PHC3: variants seen among roughly 807,000 people sequenced by gnomAD.
PHC3 encodes polyhomeotic-like protein 3.
A neutral mutation model predicts 107.4 loss-of-function variants in PHC3; 13 were observed. The ratio of observed to expected loss-of-function variants is 0.12; its 90% CI spans 0.08 to 0.19. PHC3 has a LOEUF of 0.19. PHC3 is among the 10% of genes least tolerant of loss of function. The pLI is 1.00. For synonymous variants in PHC3, 456 were observed against 427.4 expected (o/e 1.07, Z -0.83); for missense variants, 992 against 1,210.9 (o/e 0.82, Z 2.68).
chr3:170,162,320 A>C (rs1728026024), intron 4 of PHC3, among the ~76,000 whole-genome samples: 1 of 152,290 alleles, frequency 6.6e-6, no homozygotes, highest in South Asian at 2.1e-4. Flanking sequence ...ACTCAATACT[A>C]TAGGTGGGTG....
chr3:170,127,205 A>C (rs1251617829), intron 8 of PHC3, among the ~76,000 whole-genome samples: 1 of 152,144 alleles, frequency 6.6e-6, no homozygotes, highest in Admixed American at 6.5e-5. Context: ...TTTGAGACAA[A>C]GTCTCGCTCA....
chr3:170,172,631 A>T lies in PHC3; in HGVS notation c.262T>A (p.Leu88Met), dbSNP rs775230132. 6.2e-7 allele frequency: 1 copy of T among 1,613,594 alleles called. No homozygotes were observed. ...TGAAGAGCTGCAGTATGCAGCATCA[A>T]GTGCTGTTGTTGGGCTGCATACATT... ...QQMYAAQQQHLMLHTAALQQQ... is the reference protein window; with the variant it reads ...QQMYAAQQQHMMLHTAALQQQ... Residue 88 changes from leucine (L) to methionine (M), a missense_variant, in exon 3 of 15, where the codon TTG becomes ATG. This residue lies in a region of PHC3 where 161 missense variants were observed against 183.7 expected (regional missense o/e 0.88). Coordinates refer to ENST00000495893, the MANE Select transcript of PHC3 (RefSeq NM_024947.4).
chr3:170,131,833 T>A (rs547123174), intron 7 of PHC3, among the ~76,000 whole-genome samples: 1 of 152,030 alleles, frequency 6.6e-6, no homozygotes, highest in East Asian at 1.9e-4. Context: ...GGAGACGCCA[T>A]CTCAAAAAAA....
intron 4 of PHC3, among the ~76,000 whole-genome samples, chr3:170,164,441 C>G (rs1358571565): frequency 6.6e-6 from 1 of 152,094 alleles, no homozygotes; most frequent in Non-Finnish European, 1.5e-5. Context: ...CATTACAGAT[C>G]TTCTGCTTGC....
chr3:170,134,858 T>C (rs1722808704), intron 7 of PHC3, among the ~76,000 whole-genome samples: 1 of 152,134 alleles, frequency 6.6e-6, no homozygotes, highest in Non-Finnish European at 1.5e-5. Context: ...GATCAGTATA[T>C]AAGTAACTAT....
rs911793816 is a variant in PHC3 at position 170,095,853 on chromosome 3, T to C, written c.*1377A>G. ...TGCTTTACATTTTTTTCCTCAAACA[T>C]GTACATACAAAATTATATCCGATGG... On this transcript the variant is annotated 3_prime_UTR_variant, in exon 15 of 15. Transcript: ENST00000495893. 3 of 152,170 alleles carry C rather than the reference T, an allele frequency of 2.0e-5. No individual in the cohort carries two copies. The highest frequency in any genetic ancestry group is 6.6e-5 in the Admixed American group (1 of 15,250). The allele number at this position is 152,170 out of a possible 1,614,324, so 9.4% of individuals were successfully genotyped here. A position where few individuals can be genotyped will look rare whatever the true frequency, so the allele number is the denominator to read the frequency against.
chr3:170,122,700 C>T lies in PHC3; in HGVS notation c.1833G>A (p.Glu611=). ...TATCCATCCGGACACATTCATCTGA[C>T]TCTTCTGGCATTTCTTCTTCACACA... ...EDVCEEEMPE[E]SDECVRMDRT... Residue 611 remains glutamate, a synonymous_variant, in exon 9 of 15, where the codon GAG becomes GAA. Transcript: ENST00000495893. 3 of 1,613,980 alleles carry T rather than the reference C, an allele frequency of 1.9e-6. No individual in the cohort carries two copies. The highest frequency in any genetic ancestry group is 2.5e-6 in the Non-Finnish European group (3 of 1,179,882).
chr3:170,160,914 C>CA (rs940296901), intron 4 of PHC3, among the ~76,000 whole-genome samples: 8 of 151,396 alleles, frequency 5.3e-5, no homozygotes, highest in Non-Finnish European at 7.4e-5. Flanking sequence ...CTCAAAAAAA[C>CA]AAAAAAAGAG....
chr3:170,172,414 G>A lies in PHC3; in HGVS notation c.336+143C>T, dbSNP rs114354087. 1.0e-4 allele frequency: 85 copies of A among 833,582 alleles called. No individual in the cohort carries two copies. In the African/African-American group the frequency reaches 1.3e-3, roughly 12 times the overall value. The allele number at this position is 833,582 out of a possible 1,614,324, so 51.6% of individuals were successfully genotyped here. The stretch of plus-strand genomic sequence containing the variant: ...CCTTTTTCTCAATTAACTTCTATTC[G>A]GCAACCTATTAATATATTTCCTCCG... On this transcript the variant is annotated intron_variant, in intron 3 of 14. Transcript: ENST00000495893.
At chr3:170,103,891 G>A (rs934995084) in intron 12 of PHC3, among the ~76,000 whole-genome samples, 4 of 152,068 alleles carry the variant, frequency 2.6e-5, no homozygotes, top group African/African-American at 9.7e-5. Context: ...CCAACACGGT[G>A]AAAACCCGTC....
chr3:170,148,926 A>G, intron 5 of PHC3, 160 bp downstream of exon 5: 1 of 591,960 alleles, frequency 1.7e-6, no homozygotes, highest in South Asian at 2.8e-5. Flanking sequence ...AGAATCTTTC[A>G]TGACATAAAT....
chr3:170,179,044 A>G, intron 1 of PHC3, 106 bp from the exon 2 acceptor site: 1 of 1,101,340 alleles, frequency 9.1e-7, no homozygotes, highest in Non-Finnish European at 1.3e-6. Flanking sequence ...ACTGCTAGGA[A>G]GGCTCTCATA....
rs982839717 is a variant in PHC3 at position 170,089,810 on chromosome 3, G to C, written c.*7420C>G. The C allele has an allele frequency of 2.6e-5, 4 of 151,612 alleles. No homozygotes were observed. Among genetic ancestry groups the C allele is most frequent in the Non-Finnish European group, 5.9e-5 (4 of 68,040 alleles). 9.4% of individuals were successfully genotyped at this position (151,612 alleles called of 1,614,324 possible). ...CGGGCACCTGTAATTCCAGCTACTT[G>C]GAAGGCTGAGGCAAGACAATCGCTT... On this transcript the variant is annotated 3_prime_UTR_variant, in exon 15 of 15. Coordinates refer to ENST00000495893, the MANE Select transcript of PHC3 (RefSeq NM_024947.4).
At chr3:170,144,425 T>C (rs1724627637) in intron 6 of PHC3, among the ~76,000 whole-genome samples, 1 of 152,164 alleles carries the variant, frequency 6.6e-6, no homozygotes, top group Non-Finnish European at 1.5e-5. Context: ...TTTGGGGCTA[T>C]TCTGAGTACC....
chr3:170,153,606 A>G (rs1726379351), intron 4 of PHC3, among the ~76,000 whole-genome samples: 1 of 152,012 alleles, frequency 6.6e-6, no homozygotes, highest in African/African-American at 2.4e-5. Context: ...TACTAAAAAT[A>G]CAAAAAAATA....
chr3:170,130,679 A>G (rs1399667222), intron 7 of PHC3, among the ~76,000 whole-genome samples: 1 of 152,208 alleles, frequency 6.6e-6, no homozygotes, highest in African/African-American at 2.4e-5. Flanking sequence ...TCCACAAAGA[A>G]GCCACTCAAC....
At chr3:170,174,878 C>G (rs1213106275) in intron 2 of PHC3, among the ~76,000 whole-genome samples, 3 of 152,174 alleles carry the variant, frequency 2.0e-5, no homozygotes, top group Non-Finnish European at 4.4e-5. Flanking sequence ...AGATCAATCT[C>G]TATTTGTTCT....
chr3:170,136,276 A>G, intron 7 of PHC3, 143 bp downstream of exon 7: 1 of 947,832 alleles, frequency 1.1e-6, no homozygotes, highest in Non-Finnish European at 1.5e-6. Flanking sequence ...TTCAAGCTAC[A>G]CATTAAGATT....
intron 4 of PHC3, among the ~76,000 whole-genome samples, chr3:170,169,388 T>C (rs1391346620): frequency 3.3e-5 from 5 of 152,198 alleles, no homozygotes; most frequent in African/African-American, 9.7e-5. Context: ...AAGAGATCTG[T>C]TACCATGCTC....
Sources: allele counts gnomAD v4.1 joint callset (sites outside exome capture counted in the v4.1 genomes callset), GRCh38; gene constraint gnomAD v4.1.1; regional missense constraint gnomAD v4.1.1; transcripts MANE v1.5; gene names NCBI Gene and HGNC (gene_info 2026-07-23, HGNC 2026-07-21).